The following DIAPH3 variants were observed in gnomAD, a reference collection of about 807,000 sequenced individuals.
DIAPH3 encodes protein diaphanous homolog 3.
Under a neutral mutation model 144.3 loss-of-function variants are expected in DIAPH3, and 117 were observed. The ratio of observed to expected loss-of-function variants is 0.81; its 90% CI spans 0.70 to 0.95. The LOEUF (loss-of-function observed/expected upper bound fraction) is 0.95. Among genes scored for constraint, DIAPH3 ranks in the 40% least tolerant of loss-of-function variants. The pLI is 0.00. For synonymous variants in DIAPH3, 519 were observed against 488.9 expected (o/e 1.06, Z -0.81); for missense variants, 1,421 against 1,412.7 (o/e 1.01, Z -0.09).
chr13:59,669,615 G>A (rs2032239987), intron 27 of DIAPH3, among the ~76,000 whole-genome samples: 1 of 152,062 alleles, frequency 6.6e-6, no homozygotes, highest in Admixed American at 6.6e-5. Flanking sequence ...TCTATTCAAG[G>A]ACATCCCTCT....
intron 11 of DIAPH3, among the ~76,000 whole-genome samples, 154 bp downstream of exon 11, chr13:59,991,914 A>C (rs532415533): frequency 4.6e-5 from 7 of 152,204 alleles, no homozygotes; most frequent in Admixed American, 2.6e-4. Flanking sequence ...TCATAAAAAC[A>C]CACAAATTAA....
At chr13:60,126,570 G>C (rs2058996856) in intron 2 of DIAPH3, among the ~76,000 whole-genome samples, 1 of 152,064 alleles carries the variant, frequency 6.6e-6, no homozygotes, top group African/African-American at 2.4e-5. Context: ...AAATTAACAA[G>C]AATACAGAAG....
chr13:60,052,835 T>C (rs1413394763), intron 4 of DIAPH3, among the ~76,000 whole-genome samples: 1 of 150,888 alleles, frequency 6.6e-6, no homozygotes, highest in Non-Finnish European at 1.5e-5. Context: ...GTAGGATCCA[T>C]CTGTAGTCCC....
chr13:59,893,646 CA>C (rs200527851), intron 20 of DIAPH3, among the ~76,000 whole-genome samples: 1,702 of 151,950 alleles, frequency 0.011, 17 homozygotes, highest in Non-Finnish European at 0.017. Context: ...GAGGCAGGGT[CA>C]GGGGTAGAGA....
Position 59,956,000 on chromosome 13 carries a change from T to C in DIAPH3, c.2074+13944A>G, listed in dbSNP as rs896015692. Among the ~76,000 whole-genome samples the C allele has an allele frequency of 4.6e-5, 7 of 152,158 alleles. No homozygotes were observed. In the East Asian group the frequency reaches 7.7e-4, roughly 17 times the overall value. On this transcript the variant is annotated intron_variant, in intron 17 of 27. Transcript: ENST00000400324. ...TTTCCAAGCAGCAAAGCATTCAAGATGTGACTTGGGTGCTGTTAAAAGCAT... is the reference window on the plus strand; with the variant it reads ...TTTCCAAGCAGCAAAGCATTCAAGACGTGACTTGGGTGCTGTTAAAAGCAT...
At chr13:59,846,940 G>C in intron 22 of DIAPH3, among the ~76,000 whole-genome samples, 1 of 152,118 alleles carries the variant, frequency 6.6e-6, no homozygotes, top group Non-Finnish European at 1.5e-5. Context: ...TTAGCCAGGG[G>C]TAGTGGTGCC....
At chr13:59,839,239 G>A (rs998646607) in intron 23 of DIAPH3, 85 bp downstream of exon 23, 1 of 1,540,630 alleles carries the variant, frequency 6.5e-7, no homozygotes, top group Non-Finnish European at 8.9e-7. Flanking sequence ...AATGATCTCT[G>A]GTTACACAAA....
At chr13:59,730,870 C>T (rs1185714460) in intron 27 of DIAPH3, among the ~76,000 whole-genome samples, 1 of 152,156 alleles carries the variant, frequency 6.6e-6, no homozygotes, top group East Asian at 1.9e-4. Flanking sequence ...CCTATCAGTG[C>T]TCAATAAAAA....
chr13:59,988,088 T>C (rs976381378), intron 12 of DIAPH3, among the ~76,000 whole-genome samples: 18 of 151,822 alleles, frequency 1.2e-4, no homozygotes, highest in African/African-American at 4.1e-4. Flanking sequence ...TAATAAACCA[T>C]CTATTACAGT....
At chr13:60,122,250 G>C (rs1378737081) in intron 2 of DIAPH3, among the ~76,000 whole-genome samples, 2 of 152,058 alleles carry the variant, frequency 1.3e-5, no homozygotes, top group African/African-American at 2.4e-5. Context: ...TGTTCCTTGT[G>C]CCTAAAACCT....
At chr13:59,670,708 G>C (rs1057389182) in intron 27 of DIAPH3, among the ~76,000 whole-genome samples, 1 of 150,862 alleles carries the variant, frequency 6.6e-6, no homozygotes. Flanking sequence ...TCAGCCTCCC[G>C]AGTAGCTGGG....
intron 5 of DIAPH3, among the ~76,000 whole-genome samples, chr13:60,018,783 T>A (rs9634891): frequency 1.3e-5 from 2 of 151,862 alleles, no homozygotes; most frequent in African/African-American, 4.8e-5. Flanking sequence ...TTATATCTCA[T>A]AAAACATGTC....
At chr13:59,962,774 C>A (rs1326312526) in intron 17 of DIAPH3, among the ~76,000 whole-genome samples, 4 of 151,932 alleles carry the variant, frequency 2.6e-5, no homozygotes, top group African/African-American at 9.7e-5. Context: ...AAGCAATCAA[C>A]AAAATCTGCT....
At chr13:59,880,611 G>C (rs1436328973) in intron 20 of DIAPH3, among the ~76,000 whole-genome samples, 1 of 151,836 alleles carries the variant, frequency 6.6e-6, no homozygotes, top group Non-Finnish European at 1.5e-5. Context: ...CTAGACAAAG[G>C]CTTATAAGAC....
At chr13:59,930,075 A>G (rs543546447) in intron 17 of DIAPH3, among the ~76,000 whole-genome samples, 1 of 152,300 alleles carries the variant, frequency 6.6e-6, no homozygotes, top group South Asian at 2.1e-4. Flanking sequence ...CATGACCTGT[A>G]TATTTTATGT....
At chr13:60,020,926 C>G (rs2053973109) in intron 5 of DIAPH3, 1 of 152,168 alleles carries the variant, frequency 6.6e-6, no homozygotes, top group South Asian at 2.1e-4. Flanking sequence ...AGCAGGAGGG[C>G]ATATGCACAA....
intron 4 of DIAPH3, among the ~76,000 whole-genome samples, chr13:60,091,123 C>T (rs1468332240): frequency 6.6e-6 from 1 of 152,162 alleles, no homozygotes; most frequent in East Asian, 1.9e-4. Context: ...AAATGAATTC[C>T]TACTTGTTAG....
chr13:59,937,214 C>G (rs370496161), intron 17 of DIAPH3, among the ~76,000 whole-genome samples: 1 of 151,116 alleles, frequency 6.6e-6, no homozygotes, highest in Admixed American at 6.6e-5. Context: ...TTACGTATAA[C>G]ATTCTCTCAT....
chr13:60,072,169 A>T (rs6562071), intron 4 of DIAPH3, among the ~76,000 whole-genome samples: 4,835 of 152,226 alleles, frequency 0.032, 268 homozygotes, highest in African/African-American at 0.11. Flanking sequence ...CTCGATGCGC[A>T]TCTGCCAATC....
Sources: allele counts gnomAD v4.1 joint callset (sites outside exome capture counted in the v4.1 genomes callset), GRCh38; gene constraint gnomAD v4.1.1; transcripts MANE v1.5; gene names NCBI Gene and HGNC (gene_info 2026-07-23, HGNC 2026-07-21).